SNTG1: variants seen among roughly 807,000 people sequenced by gnomAD.
SNTG1 encodes the protein gamma-1-syntrophin.
Under a neutral mutation model 74.7 loss-of-function variants are expected in SNTG1, and 39 were observed. The observed-to-expected ratio is 0.52, with a 90% CI of 0.40 to 0.68. The LOEUF (loss-of-function observed/expected upper bound fraction) is 0.68. Among genes scored for constraint, SNTG1 ranks in the 30% least tolerant of loss-of-function variants. SNTG1 has a pLI of 0.00. For synonymous variants in SNTG1, 254 were observed against 217.1 expected, an observed-to-expected ratio of 1.17 and a Z score of -1.49; for missense variants, 685 against 609.5, an observed-to-expected ratio of 1.12 and a Z score of -1.30.
chr8:50,144,517 T>G (rs1428003558), intron 1 of SNTG1, among the ~76,000 whole-genome samples: 2 of 152,192 alleles, frequency 1.3e-5, no homozygotes, highest in East Asian at 3.9e-4. Flanking sequence ...GACCTAGTCC[T>G]TTAAGGTGCT....
intron 12 of SNTG1, among the ~76,000 whole-genome samples, chr8:50,589,690 C>T (rs145551698): frequency 4.0e-5 from 6 of 151,562 alleles, no homozygotes; most frequent in Non-Finnish European, 8.8e-5. Flanking sequence ...TTCTTTATAA[C>T]AATTCATATG....
chr8:50,475,854 G>A (rs1371252012), intron 8 of SNTG1, among the ~76,000 whole-genome samples: 1 of 152,104 alleles, frequency 6.6e-6, no homozygotes, highest in African/African-American at 2.4e-5. Context: ...TAGATTAAAG[G>A]CAAATAAACT....
chr8:49,921,040 C>G (rs371837570), intron 1 of SNTG1, among the ~76,000 whole-genome samples: 5 of 151,912 alleles, frequency 3.3e-5, no homozygotes, highest in Non-Finnish European at 5.9e-5. Context: ...ACATAACAAC[C>G]AAATGCAGGT....
At chr8:49,944,742 T>C (rs1247278797) in intron 1 of SNTG1, among the ~76,000 whole-genome samples, 1 of 150,254 alleles carries the variant, frequency 6.7e-6, no homozygotes, top group African/African-American at 2.5e-5. Flanking sequence ...AAAAAATCCA[T>C]GTAACGTCTA....
chr8:50,585,688 AT>A (rs1178831902), intron 12 of SNTG1, among the ~76,000 whole-genome samples: 286 of 152,134 alleles, frequency 1.9e-3, no homozygotes, highest in African/African-American at 6.8e-3. Context: ...AAAAATATTT[AT>A]TTTTTAATAT....
At chr8:50,004,886 G>A (rs1815069212) in intron 1 of SNTG1, among the ~76,000 whole-genome samples, 2 of 152,242 alleles carry the variant, frequency 1.3e-5, no homozygotes, top group African/African-American at 2.4e-5. Flanking sequence ...ACAAACCAAA[G>A]CAGAGAAAAT....
chr8:50,360,285 C>A (rs2091922484), intron 2 of SNTG1, among the ~76,000 whole-genome samples: 1 of 152,116 alleles, frequency 6.6e-6, no homozygotes, highest in African/African-American at 2.4e-5. Context: ...AAAATATTTT[C>A]TTGATGACTA....
chr8:50,413,826 C>T (rs1475024115), intron 4 of SNTG1, among the ~76,000 whole-genome samples: 2 of 152,142 alleles, frequency 1.3e-5, no homozygotes, highest in South Asian at 4.1e-4. Context: ...CTATCTCTCT[C>T]TTTGGTTACA....
intron 2 of SNTG1, among the ~76,000 whole-genome samples, chr8:50,371,679 T>A (rs1767450083): frequency 1.3e-5 from 2 of 152,342 alleles, no homozygotes; most frequent in South Asian, 4.1e-4. Context: ...TAACATAAAT[T>A]CTGTCAAGGT....
At chr8:50,145,130 G>T (rs529578348) in intron 1 of SNTG1, among the ~76,000 whole-genome samples, 1 of 152,166 alleles carries the variant, frequency 6.6e-6, no homozygotes, top group Non-Finnish European at 1.5e-5. Context: ...GATGCCAGGA[G>T]TGACAGTGGC....
intron 1 of SNTG1, among the ~76,000 whole-genome samples, chr8:50,152,295 G>T (rs2082095715): frequency 6.6e-6 from 1 of 152,130 alleles, no homozygotes; most frequent in Non-Finnish European, 1.5e-5. Flanking sequence ...TTGAGCCTAT[G>T]TGTGTCTCTG....
In SNTG1 at chr8:49,927,998, G is replaced by A. The variant is rs188656392; in HGVS notation, c.-103+15767G>A. The stretch of plus-strand genomic sequence containing the variant: ...ACAAAAATTAGCTGGGCATGGTGGC[G>A]TGCACCTGTAGTCCCAGCTACTCGG... On this transcript the variant is annotated intron_variant, in intron 1 of 18. Transcript: ENST00000642720. 6.7e-3 allele frequency among the ~76,000 whole-genome samples: 1,012 copies of A among 151,266 alleles called. 8 individuals carry two copies. The highest frequency in any genetic ancestry group is 0.034 in the Middle Eastern group (10 of 290).
chr8:50,469,028 A>C (rs957501525), intron 8 of SNTG1, among the ~76,000 whole-genome samples: 3 of 152,164 alleles, frequency 2.0e-5, no homozygotes, highest in Admixed American at 2.0e-4. Flanking sequence ...AGTTAAGTTG[A>C]CAAGAATGAG....
intron 2 of SNTG1, among the ~76,000 whole-genome samples, chr8:50,373,340 T>G (rs1400719151): frequency 6.6e-6 from 1 of 152,204 alleles, no homozygotes; most frequent in African/African-American, 2.4e-5. Flanking sequence ...TAGGTCACTG[T>G]TTAAATTGTT....
intron 12 of SNTG1, among the ~76,000 whole-genome samples, chr8:50,585,751 T>C (rs1056119973): frequency 6.6e-6 from 1 of 152,150 alleles, no homozygotes; most frequent in Non-Finnish European, 1.5e-5. Context: ...AATAATACCA[T>C]GTTTTAAAAA....
At chr8:50,107,552 G>A (rs907367728) in intron 1 of SNTG1, among the ~76,000 whole-genome samples, 8 of 148,172 alleles carry the variant, frequency 5.4e-5, no homozygotes, top group African/African-American at 2.0e-4. Context: ...GCGGAATCAA[G>A]GTTTTTTGTT....
chr8:50,546,808 A>T (rs2094391573), intron 11 of SNTG1, among the ~76,000 whole-genome samples: 1 of 151,864 alleles, frequency 6.6e-6, no homozygotes, highest in African/African-American at 2.4e-5. Flanking sequence ...TTGGTTCCAA[A>T]TCTCACTCTG....
chr8:50,263,896 A>G (rs954097320), intron 2 of SNTG1, among the ~76,000 whole-genome samples: 2 of 152,190 alleles, frequency 1.3e-5, no homozygotes, highest in African/African-American at 2.4e-5. Flanking sequence ...ACATTCAAGA[A>G]CACATGAAAC....
intron 1 of SNTG1, among the ~76,000 whole-genome samples, chr8:50,033,228 A>T (rs965391576): frequency 7.9e-5 from 12 of 151,592 alleles, no homozygotes; most frequent in Admixed American, 5.3e-4. Flanking sequence ...AGTTCAAGCG[A>T]TTCTCCTGCC....
Sources: gnomAD v4.1 joint callset for allele counts (sites outside exome capture counted in the v4.1 genomes callset) on GRCh38, gnomAD v4.1.1 for gene constraint, MANE v1.5 for transcripts, NCBI Gene and HGNC (gene_info 2026-07-23, HGNC 2026-07-21) for gene names.